Variants in CNTNAP4 observed in about 807,000 individuals in gnomAD.
CNTNAP4 encodes the protein contactin-associated protein-like 4.
In CNTNAP4, 98 loss-of-function variants were observed where a neutral mutation model predicts 148.4. That is an observed-to-expected ratio of 0.66 (90% CI 0.56 to 0.78). The LOEUF (loss-of-function observed/expected upper bound fraction) is 0.78. Among genes scored for constraint, CNTNAP4 ranks in the 30% least tolerant of loss-of-function variants. The pLI, the probability that CNTNAP4 is intolerant of heterozygous loss-of-function variation, is 0.00. For synonymous variants in CNTNAP4, 730 were observed against 565.1 expected, an observed-to-expected ratio of 1.29 and a Z score of -4.14; for missense variants, 1,935 against 1,565.6, an observed-to-expected ratio of 1.24 and a Z score of -3.98.
chr16:76,546,339 C>T (rs777391051), intron 21 of CNTNAP4, among the ~76,000 whole-genome samples: 26 of 152,164 alleles, frequency 1.7e-4, no homozygotes, highest in Non-Finnish European at 2.8e-4. Context: ...GCAAGCGAAG[C>T]TTCATCTGTA....
intron 17 of CNTNAP4, among the ~76,000 whole-genome samples, chr16:76,532,596 G>C (rs147967261): frequency 6.6e-6 from 1 of 152,304 alleles, no homozygotes; most frequent in African/African-American, 2.4e-5. Flanking sequence ...ACTGTAGACT[G>C]TATACCATGA....
At chr16:76,387,122 G>A (rs183918254) in intron 3 of CNTNAP4, among the ~76,000 whole-genome samples, 49 of 152,238 alleles carry the variant, frequency 3.2e-4, no homozygotes, top group African/African-American at 1.1e-3. Flanking sequence ...TTGGACCACA[G>A]AACTGTAAGA....
At chr16:76,419,198 A>G (rs895940717) in intron 3 of CNTNAP4, among the ~76,000 whole-genome samples, 3 of 151,816 alleles carry the variant, frequency 2.0e-5, no homozygotes, top group East Asian at 1.9e-4. Flanking sequence ...TAGGTTTCCA[A>G]TCTATTTCTG....
At chr16:76,355,191 G>C (rs945238686) in intron 2 of CNTNAP4, 127 bp from the exon 3 acceptor site, 42 of 523,636 alleles carry the variant, frequency 8.0e-5, no homozygotes, top group Middle Eastern at 1.0e-3. Flanking sequence ...ACAATTATAA[G>C]AAGTTTCATA....
chr16:76,539,198 G>T (rs4359472), intron 19 of CNTNAP4, among the ~76,000 whole-genome samples: 1 of 151,770 alleles, frequency 6.6e-6, no homozygotes, highest in Non-Finnish European at 1.5e-5. Context: ...AGTACTAATT[G>T]TGATGGTAAA....
chr16:76,487,198 C>G (rs1310664205), intron 12 of CNTNAP4, among the ~76,000 whole-genome samples: 1 of 152,202 alleles, frequency 6.6e-6, no homozygotes, highest in African/African-American at 2.4e-5. Flanking sequence ...GCCACCGCAG[C>G]ATCTGAATCA....
In CNTNAP4 at chr16:76,559,120, A is replaced by G. The variant is rs988022580; in HGVS notation, c.*437A>G. On this transcript the variant is annotated 3_prime_UTR_variant, in exon 24 of 24. Transcript: ENST00000611870. ...CGTGGTGTTATTCATAGACCTGGAA[A>G]TGCTTCTCAGATCCTGTGTGGCCGG... 6.6e-6 allele frequency: 1 copy of G among 152,512 alleles called. No individual in the cohort carries two copies. Among genetic ancestry groups the G allele is most frequent in the African/African-American group, 2.4e-5 (1 of 41,452 alleles). The allele number at this position is 152,512 out of a possible 1,614,324, so 9.4% of individuals were successfully genotyped here. A position where few individuals can be genotyped will look rare whatever the true frequency, so the allele number is the denominator to read the frequency against.
chr16:76,311,654 T>C (rs1961126749), intron 1 of CNTNAP4, among the ~76,000 whole-genome samples: 3 of 152,192 alleles, frequency 2.0e-5, no homozygotes, highest in Non-Finnish European at 4.4e-5. Context: ...CAATGTTGGA[T>C]AAGCATGGAG....
chr16:76,334,709 C>G (rs1348536295), intron 2 of CNTNAP4, among the ~76,000 whole-genome samples: 1 of 152,064 alleles, frequency 6.6e-6, no homozygotes, highest in African/African-American at 2.4e-5. Context: ...TTTGCAAAAT[C>G]CATCTATCAA....
At chr16:76,516,903 A>C (rs1381353765) in intron 15 of CNTNAP4, among the ~76,000 whole-genome samples, 1 of 152,120 alleles carries the variant, frequency 6.6e-6, no homozygotes, top group African/African-American at 2.4e-5. Context: ...GTCTCTACTA[A>C]AAACACAAAA....
chr16:76,431,732 A>T (rs992149959), intron 4 of CNTNAP4, among the ~76,000 whole-genome samples: 1 of 152,216 alleles, frequency 6.6e-6, no homozygotes, highest in Non-Finnish European at 1.5e-5. Flanking sequence ...TATTGAATCA[A>T]GATATCTTGG....
At chr16:76,428,121 G>A (rs1018928719) in intron 4 of CNTNAP4, among the ~76,000 whole-genome samples, 2 of 152,084 alleles carry the variant, frequency 1.3e-5, no homozygotes, top group African/African-American at 4.8e-5. Context: ...TATAACATGT[G>A]TTTAAAATAC....
chr16:76,304,385 G>C (rs1205157687), intron 1 of CNTNAP4, among the ~76,000 whole-genome samples: 1 of 152,068 alleles, frequency 6.6e-6, no homozygotes, highest in Non-Finnish European at 1.5e-5. Flanking sequence ...GACCACCACA[G>C]AAGTGCCATA....
At chr16:76,488,852 C>T (rs2082115215) in intron 12 of CNTNAP4, among the ~76,000 whole-genome samples, 1 of 152,096 alleles carries the variant, frequency 6.6e-6, no homozygotes, top group Non-Finnish European at 1.5e-5. Flanking sequence ...ATTTTTATTT[C>T]ATCTAAGAAA....
chr16:76,459,972 G>T (rs927299538), intron 8 of CNTNAP4, among the ~76,000 whole-genome samples: 12 of 152,108 alleles, frequency 7.9e-5, no homozygotes, highest in Admixed American at 7.2e-4. Flanking sequence ...CTCGATTTTT[G>T]ATTTTAGCAA....
chr16:76,457,783 TTTG>T lies in CNTNAP4; in HGVS notation c.1334-4170_1334-4168del, dbSNP rs1471005984. ...GGGCTTGTATTTTATGTCTTATTTA[TTTG>T]TTATTTTACTTTTTATTTTTTTTTA... is the stretch of plus-strand genomic sequence containing the variant. On this transcript the variant is annotated intron_variant, in intron 8 of 23. Transcript: ENST00000611870. Among the ~76,000 whole-genome samples, 6 of 149,688 alleles carry T rather than the reference TTTG, an allele frequency of 4.0e-5. No individual in the cohort carries two copies. In the South Asian group the frequency reaches 6.5e-4, roughly 16 times the overall value.
chr16:76,348,175 G>A (rs1171408001), intron 2 of CNTNAP4, among the ~76,000 whole-genome samples: 1 of 151,552 alleles, frequency 6.6e-6, no homozygotes, highest in East Asian at 1.9e-4. Flanking sequence ...AAAGAAAGGG[G>A]TCAAGCGTGA....
intron 4 of CNTNAP4, among the ~76,000 whole-genome samples, chr16:76,441,559 G>A (rs1433563221): frequency 1.1e-4 from 17 of 152,056 alleles, no homozygotes; most frequent in Non-Finnish European, 1.8e-4. Context: ...GGGGAATCAG[G>A]TCACCAGCAA....
intron 3 of CNTNAP4, among the ~76,000 whole-genome samples, chr16:76,420,268 C>CTGTATAATA (rs2079138505): frequency 6.6e-6 from 1 of 151,476 alleles, no homozygotes; most frequent in Admixed American, 6.6e-5. Context: ...AATGTATATT[C>CTGTATAATA]TATAGGAGAT....
Sources: gnomAD v4.1 joint callset for allele counts (sites outside exome capture counted in the v4.1 genomes callset) on GRCh38, gnomAD v4.1.1 for gene constraint, MANE v1.5 for transcripts, NCBI Gene and HGNC (gene_info 2026-07-23, HGNC 2026-07-21) for gene names.